TRHDE: variants seen among roughly 807,000 people sequenced by gnomAD.
The protein encoded by TRHDE is thyrotropin-releasing hormone-degrading ectoenzyme.
A neutral mutation model predicts 125.7 loss-of-function variants in TRHDE; 72 were observed. The ratio of observed to expected loss-of-function variants is 0.57; its 90% CI spans 0.47 to 0.70. The LOEUF is 0.70. TRHDE is among the 30% of genes least tolerant of loss of function. TRHDE has a pLI of 0.00. For synonymous variants in TRHDE, 509 were observed against 509.1 expected (o/e 1.00, Z 0.00); for missense variants, 1,110 against 1,327.1 (o/e 0.84, Z 2.54).
chr12:72,414,416 T>C (rs1384891846), intron 3 of TRHDE, among the ~76,000 whole-genome samples: 1 of 152,070 alleles, frequency 6.6e-6, no homozygotes, highest in African/African-American at 2.4e-5. Flanking sequence ...TATGCTTCTT[T>C]ACATAGAATT....
At chr12:72,597,539 G>A (rs1226607757) in intron 12 of TRHDE, among the ~76,000 whole-genome samples, 1 of 150,826 alleles carries the variant, frequency 6.6e-6, no homozygotes, top group African/African-American at 2.4e-5. Flanking sequence ...GTGGTGGCAT[G>A]TGCCTGTAAT....
At chr12:72,171,000 T>C (rs868334920) in intron 2 of TRHDE, among the ~76,000 whole-genome samples, 12 of 152,272 alleles carry the variant, frequency 7.9e-5, no homozygotes, top group Middle Eastern at 3.4e-3. Context: ...ACCAAGAAGT[T>C]ATTATTTCTT....
chr12:72,448,278 G>C (rs1321524690), intron 3 of TRHDE, among the ~76,000 whole-genome samples: 1 of 152,058 alleles, frequency 6.6e-6, no homozygotes, highest in African/African-American at 2.4e-5. Context: ...TTTTCTGGTT[G>C]ATGGTATTAC....
At chr12:72,593,826 C>T (rs1029735642) in intron 12 of TRHDE, among the ~76,000 whole-genome samples, 1 of 152,158 alleles carries the variant, frequency 6.6e-6, no homozygotes, top group African/African-American at 2.4e-5. Context: ...TTATCTATGT[C>T]CCTGCAAAGG....
intron 2 of TRHDE, among the ~76,000 whole-genome samples, chr12:72,225,593 T>C (rs1018566834): frequency 2.6e-5 from 4 of 152,202 alleles, no homozygotes; most frequent in Admixed American, 2.6e-4. Flanking sequence ...TTGGTTTCCT[T>C]GTATAAAAGG....
intron 15 of TRHDE, among the ~76,000 whole-genome samples, chr12:72,646,335 TA>T (rs1055142008): frequency 3.3e-5 from 5 of 151,496 alleles, no homozygotes; most frequent in African/African-American, 9.7e-5. Flanking sequence ...AATAAAGCCC[TA>T]GAAGTTACAT....
chr12:72,555,321 C>T (rs1869868300), intron 7 of TRHDE, among the ~76,000 whole-genome samples: 2 of 152,116 alleles, frequency 1.3e-5, no homozygotes, highest in South Asian at 2.1e-4. Flanking sequence ...CTTCTTCTAT[C>T]TCTCCAATAG....
intron 2 of TRHDE, among the ~76,000 whole-genome samples, chr12:72,218,156 TGTGAA>T (rs1280308616): frequency 2.6e-5 from 4 of 151,852 alleles, no homozygotes; most frequent in Admixed American, 6.6e-5. Flanking sequence ...ACAGAAAAAA[TGTGAA>T]GTTACTTTCC....
At chr12:72,134,320 G>T (rs1375347804) in intron 2 of TRHDE, among the ~76,000 whole-genome samples, 1 of 151,942 alleles carries the variant, frequency 6.6e-6, no homozygotes, top group African/African-American at 2.4e-5. Context: ...TCGCTCTATT[G>T]CCCCGGCTGG....
At chr12:72,472,378 A>T (rs939487480) in intron 4 of TRHDE, among the ~76,000 whole-genome samples, 5 of 152,196 alleles carry the variant, frequency 3.3e-5, no homozygotes, top group Admixed American at 6.5e-5. Context: ...ATACATCATG[A>T]TCTAATCAAA....
At chr12:72,637,177 C>T (rs1236443584) in intron 15 of TRHDE, among the ~76,000 whole-genome samples, 2 of 152,142 alleles carry the variant, frequency 1.3e-5, no homozygotes, top group African/African-American at 4.8e-5. Context: ...GCCACAATTT[C>T]AGATCCTGTT....
intron 2 of TRHDE, among the ~76,000 whole-genome samples, chr12:72,193,333 AC>A (rs1267249591): frequency 6.6e-6 from 1 of 152,002 alleles, no homozygotes; most frequent in Non-Finnish European, 1.5e-5. Context: ...CATCTGTAGA[AC>A]CCCTAACACT....
chr12:72,575,264 G>A lies in TRHDE; in HGVS notation c.2141G>A (p.Arg714Lys). Residue 714 changes from arginine to lysine, a missense_variant, in exon 11 of 19, where the codon AGA becomes AAA. Arg to Lys is a conservative substitution (Grantham distance 26). Around this residue, in one of 5 missense-constraint regions of TRHDE, gnomAD observed 527 missense variants for 651.8 expected, o/e 0.81. Transcript: ENST00000261180. ...AAAATGCTTTTTTCAGAGCACCACA[G>A]AATAACTTATTTGGACAAAGGAAGC... ...IWVSNKSEHH[R>K]ITYLDKGSWL... The A allele has an allele frequency of 6.2e-7, 1 of 1,613,112 alleles. No homozygotes were observed. The highest frequency in any genetic ancestry group is 8.5e-7 in the Non-Finnish European group (1 of 1,179,580).
intron 2 of TRHDE, among the ~76,000 whole-genome samples, chr12:72,214,113 G>A (rs1877838425): frequency 6.6e-6 from 1 of 152,108 alleles, no homozygotes; most frequent in African/African-American, 2.4e-5. Context: ...TGTGGGAAGT[G>A]CCTTGGAAAT....
At chr12:72,427,399 T>C (rs943975342) in intron 3 of TRHDE, among the ~76,000 whole-genome samples, 1 of 152,128 alleles carries the variant, frequency 6.6e-6, no homozygotes, top group Non-Finnish European at 1.5e-5. Flanking sequence ...GGGCTGTAAG[T>C]CATTTCATCC....
intron 2 of TRHDE, among the ~76,000 whole-genome samples, chr12:72,365,579 A>G (rs1424242674): frequency 2.6e-5 from 4 of 152,086 alleles, no homozygotes; most frequent in African/African-American, 9.7e-5. Flanking sequence ...TGGTAATAAT[A>G]TAGGTGAGTG....
At chr12:72,104,211 G>T (rs1019560000) in intron 1 of TRHDE, among the ~76,000 whole-genome samples, 1 of 152,214 alleles carries the variant, frequency 6.6e-6, no homozygotes, top group Middle Eastern at 3.4e-3. Flanking sequence ...CACTGGGCCT[G>T]GTCCATAGCA....
chr12:72,556,753 A>C (rs890348249), intron 7 of TRHDE, among the ~76,000 whole-genome samples: 1 of 152,200 alleles, frequency 6.6e-6, no homozygotes, highest in Non-Finnish European at 1.5e-5. Context: ...GCACACTACA[A>C]ATTTTTTTGA....
chr12:72,179,877 C>T lies in TRHDE; in HGVS notation n.279+74125C>T, dbSNP rs145841843. Among the ~76,000 whole-genome samples the T allele has an allele frequency of 6.8e-4, 103 of 152,084 alleles. 1 individual carries two copies. In the East Asian group the frequency reaches 0.016, roughly 24 times the overall value. ...GTTAATAAACTAAGAAATATGATTGCGTCTACTTGTGATTCTTCTAGTTAT... is the reference window on the plus strand; with the variant it reads ...GTTAATAAACTAAGAAATATGATTGTGTCTACTTGTGATTCTTCTAGTTAT... On this transcript the variant is annotated intron_variant and non_coding_transcript_variant, in intron 2 of 4. Coordinates refer to the TRHDE transcript ENST00000548156.
Sources: gnomAD v4.1 joint callset for allele counts (sites outside exome capture counted in the v4.1 genomes callset) on GRCh38, gnomAD v4.1.1 for gene constraint, gnomAD v4.1.1 regional missense constraint, MANE v1.5 for transcripts, NCBI Gene and HGNC (gene_info 2026-07-23, HGNC 2026-07-21) for gene names.